PCP4: variants seen among roughly 807,000 people sequenced by gnomAD.
The protein encoded by PCP4 is Purkinje cell protein 4, also known as calmodulin regulator protein PCP4.
PCP4 carries 8 observed loss-of-function variants against 10.0 expected under a neutral mutation model. The observed-to-expected ratio is 0.80, with a 90% CI of 0.47 to 1.45. PCP4 has a LOEUF of 1.45. PCP4 is among the 40% of genes most tolerant of loss of function. The pLI is 0.00. For synonymous variants in PCP4, 21 were observed against 23.0 expected (o/e 0.91, Z 0.24); for missense variants, 54 against 74.4 (o/e 0.73, Z 1.01).
At chr21:39,915,814 A>G (rs1212632596) in intron 2 of PCP4, among the ~76,000 whole-genome samples, 1 of 152,238 alleles carries the variant, frequency 6.6e-6, no homozygotes, top group African/African-American at 2.4e-5. Flanking sequence ...CACATCCAAC[A>G]GTAAGGAGGC....
At chr21:39,904,826 A>G (rs541017067) in intron 2 of PCP4, among the ~76,000 whole-genome samples, 1 of 152,186 alleles carries the variant, frequency 6.6e-6, no homozygotes, top group Non-Finnish European at 1.5e-5. Flanking sequence ...TGAGGGTCTA[A>G]TATGCCAATT....
chr21:39,911,749 C>T (rs1388333245), intron 2 of PCP4, among the ~76,000 whole-genome samples: 2 of 152,204 alleles, frequency 1.3e-5, no homozygotes, highest in East Asian at 3.8e-4. Flanking sequence ...AGCCTATTGT[C>T]ACCTTAAATG....
intron 2 of PCP4, among the ~76,000 whole-genome samples, chr21:39,915,663 A>G (rs1253249167): frequency 1.3e-5 from 2 of 152,222 alleles, no homozygotes; most frequent in African/African-American, 4.8e-5. Context: ...CTGCATGAGC[A>G]CCAGCCATTG....
At chr21:39,873,176 G>A (rs371367146) in intron 1 of PCP4, among the ~76,000 whole-genome samples, 2 of 152,208 alleles carry the variant, frequency 1.3e-5, no homozygotes, top group South Asian at 2.1e-4. Context: ...TTGGAAAGTG[G>A]TTTGCTGTAT....
chr21:39,908,861 A>T (rs948789679), intron 2 of PCP4, among the ~76,000 whole-genome samples: 13 of 152,174 alleles, frequency 8.5e-5, no homozygotes, highest in African/African-American at 2.9e-4. Flanking sequence ...ATCTGCTTTC[A>T]TTCAGGTCCC....
At chr21:39,899,949 A>G (rs2087474944) in intron 2 of PCP4, among the ~76,000 whole-genome samples, 1 of 152,160 alleles carries the variant, frequency 6.6e-6, no homozygotes, top group Admixed American at 6.5e-5. Context: ...CCATCTGTTC[A>G]TGCAAGTTCC....
chr21:39,888,171 G>T (rs1601175341), intron 1 of PCP4, among the ~76,000 whole-genome samples: 1 of 152,328 alleles, frequency 6.6e-6, no homozygotes. Flanking sequence ...AGCACCGGGG[G>T]ATAGACGCTG....
At chr21:39,880,251 G>A (rs73371277) in intron 1 of PCP4, among the ~76,000 whole-genome samples, 5,219 of 151,998 alleles carry the variant, frequency 0.034, 308 homozygotes, top group African/African-American at 0.12. Flanking sequence ...GACCATGGAG[G>A]TCAGTGGGTG....
At chr21:39,909,945 G>A (rs569891311) in intron 2 of PCP4, among the ~76,000 whole-genome samples, 47 of 151,998 alleles carry the variant, frequency 3.1e-4, no homozygotes, top group Admixed American at 1.2e-3. Context: ...ACAGGCGCCC[G>A]CCACCACGTC....
At chr21:39,914,900 G>T (rs142100197) in intron 2 of PCP4, among the ~76,000 whole-genome samples, 1 of 152,272 alleles carries the variant, frequency 6.6e-6, no homozygotes, top group East Asian at 1.9e-4. Context: ...AGAGTCAGTC[G>T]ATACCTGGTA....
intron 1 of PCP4, among the ~76,000 whole-genome samples, chr21:39,873,230 G>C (rs967379486): frequency 2.0e-4 from 31 of 152,156 alleles, no homozygotes; most frequent in Non-Finnish European, 4.1e-4. Flanking sequence ...GAGAATAAGA[G>C]AGAGTCTAAG....
chr21:39,888,217 C>A (rs1012833370), intron 1 of PCP4, among the ~76,000 whole-genome samples: 5 of 152,216 alleles, frequency 3.3e-5, no homozygotes, highest in Non-Finnish European at 5.9e-5. Context: ...TTTCAAGCCA[C>A]CATGAGAACG....
intron 1 of PCP4, among the ~76,000 whole-genome samples, chr21:39,897,528 A>G (rs1046187829): frequency 3.9e-5 from 6 of 152,184 alleles, no homozygotes; most frequent in Non-Finnish European, 8.8e-5. Flanking sequence ...AGCTTTGAGG[A>G]AACACCCTTT....
At chr21:39,893,902 A>G (rs908973691) in intron 1 of PCP4, among the ~76,000 whole-genome samples, 7 of 152,176 alleles carry the variant, frequency 4.6e-5, no homozygotes, top group African/African-American at 1.4e-4. Context: ...GATGATGTAG[A>G]TAGACACAGA....
chr21:39,897,109 G>T (rs1485700779), intron 1 of PCP4, among the ~76,000 whole-genome samples: 1 of 152,112 alleles, frequency 6.6e-6, no homozygotes, highest in Non-Finnish European at 1.5e-5. Flanking sequence ...TAGAGACTTG[G>T]CTGGGCATGG....
At chr21:39,901,654 T>C (rs1366735602) in intron 2 of PCP4, among the ~76,000 whole-genome samples, 1 of 152,242 alleles carries the variant, frequency 6.6e-6, no homozygotes, top group Non-Finnish European at 1.5e-5. Context: ...CCTGATGCTA[T>C]GAATAAGGCT....
chr21:39,893,000 C>T (rs1321745239), intron 1 of PCP4, among the ~76,000 whole-genome samples: 2 of 152,130 alleles, frequency 1.3e-5, no homozygotes, highest in Non-Finnish European at 2.9e-5. Context: ...CAATTGAACT[C>T]GTAGACACGG....
chr21:39,885,080 GAC>G (rs2087393499), intron 1 of PCP4, among the ~76,000 whole-genome samples: 1 of 152,176 alleles, frequency 6.6e-6, no homozygotes, highest in African/African-American at 2.4e-5. Flanking sequence ...GTAACAAAAT[GAC>G]ACCAGAGTGA....
chr21:39,913,267 G>A (rs1468257398), intron 2 of PCP4, among the ~76,000 whole-genome samples: 1 of 152,044 alleles, frequency 6.6e-6, no homozygotes, highest in Non-Finnish European at 1.5e-5. Context: ...GCAAATAGAA[G>A]TGCTATGTCT....
Sources: gnomAD v4.1 joint callset for allele counts (sites outside exome capture counted in the v4.1 genomes callset) on GRCh38, gnomAD v4.1.1 for gene constraint, MANE v1.5 for transcripts, NCBI Gene and HGNC (gene_info 2026-07-23, HGNC 2026-07-21) for gene names.